The following SEC22A variants were observed in gnomAD, a reference collection of about 807,000 sequenced individuals.
The protein encoded by SEC22A is vesicle-trafficking protein SEC22a.
In SEC22A, 22 loss-of-function variants were observed where a neutral mutation model predicts 35.3. The observed-to-expected ratio is 0.62, with a 90% confidence interval of 0.45 to 0.89. The LOEUF is 0.89. Among genes scored for constraint, SEC22A ranks in the 40% least tolerant of loss-of-function variants. The pLI, the probability that SEC22A is intolerant of heterozygous loss-of-function variation, is 0.00. For synonymous variants in SEC22A, 119 were observed against 129.5 expected, an observed-to-expected ratio of 0.92 and a Z score of 0.55; for missense variants, 354 against 362.5, an observed-to-expected ratio of 0.98 and a Z score of 0.19.
chr3:123,226,261 A>G (rs1361318963), intron 4 of SEC22A, among the ~76,000 whole-genome samples: 1 of 152,114 alleles, frequency 6.6e-6, no homozygotes, highest in African/African-American at 2.4e-5. Flanking sequence ...TTAGTTTTTG[A>G]GGAACCTCAA....
intron 2 of SEC22A, among the ~76,000 whole-genome samples, chr3:123,211,847 C>T (rs1238187631): frequency 6.6e-6 from 1 of 152,048 alleles, no homozygotes; most frequent in Admixed American, 6.5e-5. Context: ...GCAGGCAGAT[C>T]ACTTGAGCCC....
At chr3:123,251,597 AGAG>A (rs72094642) in intron 5 of SEC22A, among the ~76,000 whole-genome samples, 29,772 of 152,064 alleles carry the variant, frequency 0.2, 3,002 homozygotes, top group Middle Eastern at 0.27. Context: ...AGTGATTCTA[AGAG>A]GAGCAAGGAA....
intron 5 of SEC22A, 47 bp from the exon 6 acceptor site, chr3:123,259,477 T>G (rs1426161871): frequency 7.5e-7 from 1 of 1,339,276 alleles, no homozygotes. Flanking sequence ...TTTCTGGAAA[T>G]GGGCTCCCAC....
chr3:123,207,317 T>C (rs753630445), intron 1 of SEC22A, among the ~76,000 whole-genome samples: 28 of 152,324 alleles, frequency 1.8e-4, no homozygotes, highest in Non-Finnish European at 2.8e-4. Flanking sequence ...ACTGGTTTTC[T>C]GTGGTATTTT....
chr3:123,253,525 AAT>A (rs1937644337), intron 5 of SEC22A, among the ~76,000 whole-genome samples: 2 of 152,058 alleles, frequency 1.3e-5, no homozygotes, highest in Admixed American at 1.3e-4. Flanking sequence ...CAGCCTGGCC[AAT>A]GTGGTGAAAC....
intron 6 of SEC22A, among the ~76,000 whole-genome samples, chr3:123,264,538 C>T (rs575448502): frequency 6.6e-6 from 1 of 151,666 alleles, no homozygotes; most frequent in East Asian, 1.9e-4. Flanking sequence ...TTTTAACTTG[C>T]GTTGTTTAAC....
chr3:123,250,207 C>T (rs1013190087), intron 5 of SEC22A, among the ~76,000 whole-genome samples: 8 of 151,974 alleles, frequency 5.3e-5, no homozygotes, highest in African/African-American at 1.9e-4. Context: ...GTCAAGAGCT[C>T]GAGACCATCC....
intron 4 of SEC22A, among the ~76,000 whole-genome samples, chr3:123,235,361 A>G (rs1937400974): frequency 1.3e-5 from 2 of 152,256 alleles, no homozygotes; most frequent in African/African-American, 2.4e-5. Context: ...CAGTTTAAAA[A>G]TGGAGAAAGG....
intron 5 of SEC22A, among the ~76,000 whole-genome samples, chr3:123,247,781 A>G (rs1254539176): frequency 6.6e-6 from 1 of 152,234 alleles, no homozygotes. Flanking sequence ...TTAAAAAGAC[A>G]ACTTTACAGA....
intron 2 of SEC22A, among the ~76,000 whole-genome samples, chr3:123,210,759 C>T (rs566122305): frequency 6.6e-6 from 1 of 152,184 alleles, no homozygotes; most frequent in Admixed American, 6.5e-5. Context: ...AAACACAGTC[C>T]ATATAGGATA....
At chr3:123,234,207 A>C (rs1183864817) in intron 4 of SEC22A, among the ~76,000 whole-genome samples, 2 of 152,236 alleles carry the variant, frequency 1.3e-5, no homozygotes, top group Admixed American at 6.5e-5. Context: ...TTCCCAAATT[A>C]ATAGAGAGAT....
rs191462048 is a variant in SEC22A, at chr3:123,232,814, C to A, written c.541+7517C>A. Among the ~76,000 whole-genome samples, 18 of 152,252 alleles carry A rather than the reference C, an allele frequency of 1.2e-4. No individual in the cohort carries two copies. In the East Asian group the frequency reaches 3.3e-3, roughly 28 times the overall value. ...GGACACAAAAGTCCTCAGCAAAATA[C>A]AAGCAAACCCAATCCAGCAACGTAT... On this transcript the variant is annotated intron_variant, in intron 4 of 6. Coordinates refer to ENST00000492595, the MANE Select transcript of SEC22A (RefSeq NM_012430.5).
chr3:123,229,353 T>A lies in SEC22A; in HGVS notation c.541+4056T>A, dbSNP rs1937273069. On this transcript the variant is annotated intron_variant, in intron 4 of 6. Coordinates refer to ENST00000492595, the MANE Select transcript of SEC22A (RefSeq NM_012430.5). ...TCACTTACAGTGAACCTCAATAAGA[T>A]TAACAGCTGACTTCTTAGCAGAACC... is the stretch of plus-strand genomic sequence containing the variant. Among the ~76,000 whole-genome samples the A allele has an allele frequency of 2.0e-5, 3 of 152,156 alleles. No individual in the cohort carries two copies. The South Asian group carries it at 6.2e-4, about 32-fold the overall frequency.
At chr3:123,258,279 A>C (rs1937788871) in intron 5 of SEC22A, among the ~76,000 whole-genome samples, 2 of 152,176 alleles carry the variant, frequency 1.3e-5, no homozygotes, top group Non-Finnish European at 2.9e-5. Context: ...GGAAGGAAAT[A>C]CATGAAAGGG....
In SEC22A at chr3:123,247,449, T is replaced by C. The variant is rs191302509; in HGVS notation, c.657+1435T>C. 1.2e-4 allele frequency among the ~76,000 whole-genome samples: 18 copies of C among 152,366 alleles called. No homozygotes were observed. The East Asian group carries it at 3.3e-3, about 28-fold the overall frequency. ...GGCTATTGTATTCACAAAACCAGTTTAAGGGAACAGTACTTTATTTCAGGC... is the reference window on the plus strand; with the variant it reads ...GGCTATTGTATTCACAAAACCAGTTCAAGGGAACAGTACTTTATTTCAGGC... On this transcript the variant is annotated intron_variant, in intron 5 of 6. Transcript: ENST00000492595.
chr3:123,203,318 C>T (rs1397159431), intron 1 of SEC22A, among the ~76,000 whole-genome samples: 2 of 152,062 alleles, frequency 1.3e-5, no homozygotes, highest in Non-Finnish European at 2.9e-5. Context: ...TAATACCTAT[C>T]TCACAGGTTT....
At chr3:123,262,336 T>C (rs1403304239) in intron 6 of SEC22A, among the ~76,000 whole-genome samples, 1 of 152,210 alleles carries the variant, frequency 6.6e-6, no homozygotes, top group Admixed American at 6.5e-5. Flanking sequence ...ATGTTTTACT[T>C]TGAAAACTTG....
chr3:123,233,378 A>G (rs1245883855), intron 4 of SEC22A, among the ~76,000 whole-genome samples: 1 of 152,192 alleles, frequency 6.6e-6, no homozygotes, highest in Non-Finnish European at 1.5e-5. Context: ...TATACTATCT[A>G]GGTTTGTGTA....
chr3:123,243,763 T>C (rs1472133965), intron 4 of SEC22A: 3 of 152,232 alleles, frequency 2.0e-5, no homozygotes, highest in Non-Finnish European at 4.4e-5. Flanking sequence ...CTGTAACCAA[T>C]AGCTCTTTGG....
Sources: gnomAD v4.1 joint callset for allele counts (sites outside exome capture counted in the v4.1 genomes callset) on GRCh38, gnomAD v4.1.1 for gene constraint, MANE v1.5 for transcripts, NCBI Gene and HGNC (gene_info 2026-07-23, HGNC 2026-07-21) for gene names.